Variants in GRB14 observed in about 807,000 individuals in gnomAD.
GRB14 encodes the protein growth factor receptor-bound protein 14.
GRB14 carries 38 observed loss-of-function variants against 69.1 expected under a neutral mutation model. The observed-to-expected ratio is 0.55, with a 90% CI of 0.42 to 0.72. The LOEUF is 0.72. Among genes scored for constraint, GRB14 ranks in the 30% least tolerant of loss-of-function variants. GRB14 has a pLI of 0.00. For missense variants in GRB14, 666 were observed against 666.1 expected (o/e 1.00, Z 0.00); for synonymous variants, 247 against 241.3 (o/e 1.02, Z -0.22).
rs186318151 is a variant in GRB14, at chr2:164,541,890, T to C, written c.481+5770A>G. ...CTCCCCTAGTAGCCCCCAGTGTCTATTGTTGCCATCTCTATGTCCATGAGT... is the reference window on the plus strand; with the variant it reads ...CTCCCCTAGTAGCCCCCAGTGTCTACTGTTGCCATCTCTATGTCCATGAGT... On this transcript the variant is annotated intron_variant, in intron 3 of 13. Coordinates refer to ENST00000263915, the MANE Select transcript of GRB14 (RefSeq NM_004490.3). Among the ~76,000 whole-genome samples the C allele has an allele frequency of 3.0e-3, 453 of 152,228 alleles. 1 individual carries two copies. The highest frequency in any genetic ancestry group is 0.011 in the African/African-American group (438 of 41,542).
chr2:164,604,203 C>T (rs73971063), intron 2 of GRB14, among the ~76,000 whole-genome samples: 4,983 of 152,236 alleles, frequency 0.033, 265 homozygotes, highest in African/African-American at 0.11. Flanking sequence ...CACCTGTCTA[C>T]AGCCAAGCAA....
At chr2:164,611,469 T>C (rs1463172850) in intron 2 of GRB14, among the ~76,000 whole-genome samples, 1 of 151,948 alleles carries the variant, frequency 6.6e-6, no homozygotes, top group East Asian at 1.9e-4. Flanking sequence ...GCTTAAGTAA[T>C]CAAATAAATG....
chr2:164,556,866 G>A (rs1028512009), intron 2 of GRB14, among the ~76,000 whole-genome samples: 1 of 152,222 alleles, frequency 6.6e-6, no homozygotes, highest in African/African-American at 2.4e-5. Flanking sequence ...GGCACACAGC[G>A]ACAGTCAAAA....
At chr2:164,549,982 G>C (rs1387224420) in intron 2 of GRB14, among the ~76,000 whole-genome samples, 1 of 151,558 alleles carries the variant, frequency 6.6e-6, no homozygotes, top group East Asian at 1.9e-4. Context: ...CTAGTAACAT[G>C]GGTGATTTAT....
At chr2:164,616,993 G>C (rs929753099) in intron 2 of GRB14, among the ~76,000 whole-genome samples, 3 of 152,156 alleles carry the variant, frequency 2.0e-5, no homozygotes, top group Non-Finnish European at 2.9e-5. Context: ...TGAGTTGGGG[G>C]ACTCACTTAC....
intron 4 of GRB14, 124 bp downstream of exon 4, chr2:164,526,890 G>T: frequency 4.0e-6 from 2 of 499,984 alleles, no homozygotes; most frequent in Non-Finnish European, 3.4e-6. Flanking sequence ...AATTTCAAAG[G>T]ACCAGAGTCT....
intron 2 of GRB14, among the ~76,000 whole-genome samples, chr2:164,605,376 T>G (rs1355948721): frequency 6.6e-6 from 1 of 152,202 alleles, no homozygotes; most frequent in Admixed American, 6.5e-5. Flanking sequence ...TTCACTTGTT[T>G]TGGAATCTGC....
chr2:164,507,947 T>C (rs969263969), intron 8 of GRB14, among the ~76,000 whole-genome samples: 2 of 152,242 alleles, frequency 1.3e-5, no homozygotes, highest in African/African-American at 4.8e-5. Context: ...TTGTAATTTC[T>C]ACTTAGCACG....
In GRB14 at chr2:164,549,107, T is replaced by G. The variant is rs377431161; in HGVS notation, c.325-1291A>C. On this transcript the variant is annotated intron_variant, in intron 2 of 13. Transcript: ENST00000263915. ...CGTTAGTCAGGCTGGTCTCGAACTCTGACCTCAGGTGATCTGCCTTCCTCA... is the reference window on the plus strand; with the variant it reads ...CGTTAGTCAGGCTGGTCTCGAACTCGGACCTCAGGTGATCTGCCTTCCTCA... 2.0e-5 allele frequency among the ~76,000 whole-genome samples: 3 copies of G among 152,124 alleles called. No homozygotes were observed. In the East Asian group the frequency reaches 5.8e-4, roughly 29 times the overall value.
chr2:164,620,073 A>T (rs867181163), intron 1 of GRB14: 9 of 43,866 alleles, frequency 2.1e-4, no homozygotes, highest in African/African-American at 6.4e-4. Context: ...CCCTCCCACC[A>T]CCCCTCCCCC....
chr2:164,573,811 T>C, intron 2 of GRB14: 3 of 1,612,922 alleles, frequency 1.9e-6, no homozygotes, highest in Non-Finnish European at 1.7e-6. Flanking sequence ...TGTTGGCAGA[T>C]AAATTGAACA....
intron 9 of GRB14, 47 bp from the exon 10 acceptor site, chr2:164,497,537 T>TATC (rs1686937440): frequency 2.5e-6 from 3 of 1,199,284 alleles, no homozygotes; most frequent in East Asian, 4.7e-5. Context: ...CTTTGAAAGT[T>TATC]ATCTTTCAAA....
intron 2 of GRB14, among the ~76,000 whole-genome samples, chr2:164,609,952 CCTT>C (rs1433632688): frequency 1.3e-5 from 2 of 152,116 alleles, no homozygotes; most frequent in Non-Finnish European, 2.9e-5. Flanking sequence ...AAAAGGAACT[CCTT>C]CTTATTTGTG....
intron 2 of GRB14, among the ~76,000 whole-genome samples, chr2:164,558,339 G>T (rs1389603487): frequency 6.6e-6 from 1 of 152,088 alleles, no homozygotes; most frequent in African/African-American, 2.4e-5. Flanking sequence ...CAGAAAAAAA[G>T]ATAAAAGAAA....
chr2:164,549,012 G>A (rs1293062935), intron 2 of GRB14, among the ~76,000 whole-genome samples: 1 of 151,968 alleles, frequency 6.6e-6, no homozygotes, highest in African/African-American at 2.4e-5. Context: ...TGAGTAGCTG[G>A]GATTACAGGC....
At chr2:164,497,129 G>A in intron 11 of GRB14, 34 bp from the exon 12 acceptor site, 1 of 1,603,910 alleles carries the variant, frequency 6.2e-7, no homozygotes, top group Non-Finnish European at 8.5e-7. Context: ...GCAAAGCTTT[G>A]TTTGAGATGA....
At chr2:164,515,016 T>C (rs1190191244) in intron 6 of GRB14, among the ~76,000 whole-genome samples, 1 of 152,162 alleles carries the variant, frequency 6.6e-6, no homozygotes, top group Non-Finnish European at 1.5e-5. Context: ...TCCATTGGCC[T>C]GAGAACAACA....
intron 2 of GRB14, among the ~76,000 whole-genome samples, chr2:164,570,952 A>G (rs571255766): frequency 6.6e-6 from 1 of 152,356 alleles, no homozygotes; most frequent in African/African-American, 2.4e-5. Context: ...AGGGAAAATT[A>G]TGAAGAGCAA....
intron 2 of GRB14, among the ~76,000 whole-genome samples, chr2:164,599,148 T>G (rs2105350896): frequency 6.6e-6 from 1 of 152,290 alleles, no homozygotes; most frequent in Non-Finnish European, 1.5e-5. Context: ...CAGCTGAATC[T>G]ACACATGGCT....
Sources: gnomAD v4.1 joint callset for allele counts (sites outside exome capture counted in the v4.1 genomes callset) on GRCh38, gnomAD v4.1.1 for gene constraint, MANE v1.5 for transcripts, NCBI Gene and HGNC (gene_info 2026-07-23, HGNC 2026-07-21) for gene names.